The following DENND1B variants were observed in gnomAD, a reference collection of about 807,000 sequenced individuals.
DENND1B encodes DENN domain containing 1B, also known as DENN domain-containing protein 1B.
In DENND1B, 59 loss-of-function variants were observed where a neutral mutation model predicts 90.1. The ratio of observed to expected loss-of-function variants is 0.65; its 90% CI spans 0.53 to 0.81. The LOEUF (loss-of-function observed/expected upper bound fraction) is 0.81. DENND1B is among the 40% of genes least tolerant of loss of function. The probability of loss-of-function intolerance (pLI) is 0.00; values close to 1 mark genes in which losing one functional copy is unlikely to be tolerated. For synonymous variants in DENND1B, 337 were observed against 324.6 expected, an observed-to-expected ratio of 1.04 and a Z score of -0.41; for missense variants, 862 against 912.6, an observed-to-expected ratio of 0.94 and a Z score of 0.71.
chr1:197,515,183 A>G (rs1668311122), intron 20 of DENND1B, among the ~76,000 whole-genome samples: 1 of 151,694 alleles, frequency 6.6e-6, no homozygotes, highest in South Asian at 2.1e-4. Context: ...AGTGGCAAAA[A>G]GGAAGGAATG....
chr1:197,732,660 G>C (rs1571540098), intron 2 of DENND1B, among the ~76,000 whole-genome samples: 1 of 152,254 alleles, frequency 6.6e-6, no homozygotes, highest in East Asian at 1.9e-4. Flanking sequence ...ATACATCCAA[G>C]CAAGAAGCCC....
rs567371348 is a variant in DENND1B at position 197,775,463 on chromosome 1, G to C, written c.-308C>G. ...CCTGCGACCGGGGCCGCCCGCTGCG[G>C]CTCCTGCACCTTCTTGCAAATCAGG... On this transcript the variant is annotated 5_prime_UTR_variant, in exon 1 of 23. Transcript: ENST00000620048. The C allele has an allele frequency of 3.8e-6, 1 of 260,424 alleles. No individual in the cohort carries two copies. Among genetic ancestry groups the C allele is most frequent in the Non-Finnish European group, 7.2e-6 (1 of 138,100 alleles). The allele number at this position is 260,424 out of a possible 1,614,324, so 16.1% of individuals were successfully genotyped here. A position where few individuals can be genotyped will look rare whatever the true frequency, so the allele number is the denominator to read the frequency against.
In DENND1B at chr1:197,645,761, A is replaced by G; in HGVS notation, c.508-18T>C. The G allele has an allele frequency of 6.6e-7, 1 of 1,516,388 alleles. No individual in the cohort carries two copies. The highest frequency in any genetic ancestry group is 8.9e-7 in the Non-Finnish European group (1 of 1,125,168). The allele number at this position is 1,516,388 out of a possible 1,614,324, so 93.9% of individuals were successfully genotyped here. ...TAGGAATGCTAATCAATACAAATAA[A>G]TCACATATGAAAAAGATAATTAAAA... On this transcript the variant is annotated intron_variant, in intron 8 of 22. Transcript: ENST00000620048.
rs1196502005 is a variant in DENND1B at position 197,510,433 on chromosome 1, G to A, written c.*27C>T. The A allele has an allele frequency of 1.3e-6, 2 of 1,558,862 alleles. No homozygotes were observed. The highest frequency in any genetic ancestry group is 1.7e-6 in the Non-Finnish European group (2 of 1,153,774). Reference sequence around the variant, plus strand: ...TACAGATTGCATTGAATCTCAAAATGTCTCCATAGAAGCTTGGATGCAAGA... The same window carrying A: ...TACAGATTGCATTGAATCTCAAAATATCTCCATAGAAGCTTGGATGCAAGA... On this transcript the variant is annotated 3_prime_UTR_variant, in exon 23 of 23. Transcript: ENST00000620048.
intron 20 of DENND1B, among the ~76,000 whole-genome samples, chr1:197,539,740 T>C (rs1670189954): frequency 6.6e-6 from 1 of 152,186 alleles, no homozygotes; most frequent in Admixed American, 6.5e-5. Context: ...CTATGAGATC[T>C]ATGAGGGCAT....
At chr1:197,521,093 G>GA (rs1236298816) in intron 20 of DENND1B, among the ~76,000 whole-genome samples, 2 of 151,808 alleles carry the variant, frequency 1.3e-5, no homozygotes, top group African/African-American at 2.4e-5. Flanking sequence ...TTATATGAAA[G>GA]AAAAAAATGT....
rs1654107616 is a variant in DENND1B at position 197,658,779 on chromosome 1, CTA to C, written c.297-412_297-411del. ...TACTGGAGTATATAATACAACAAAA[CTA>C]TGTGTTTTTCAATTCTTCAGAAATG... On this transcript the variant is annotated intron_variant, in intron 5 of 22. Coordinates refer to ENST00000620048, the MANE Select transcript of DENND1B (RefSeq NM_001195215.2). Among the ~76,000 whole-genome samples the C allele has an allele frequency of 1.3e-5, 2 of 151,106 alleles. 1 individual carries two copies. Among genetic ancestry groups the C allele is most frequent in the South Asian group, 4.2e-4 (2 of 4,780 alleles).
At chr1:197,550,034 T>C (rs1671099755) in intron 16 of DENND1B, among the ~76,000 whole-genome samples, 1 of 152,170 alleles carries the variant, frequency 6.6e-6, no homozygotes, top group East Asian at 1.9e-4. Context: ...AAAAATAGTG[T>C]ATAAACTACT....
intron 2 of DENND1B, chr1:197,734,942 CTGGCAAACAAAAATA>C: frequency 1.0e-6 from 1 of 985,134 alleles, no homozygotes; most frequent in Non-Finnish European, 1.2e-6. Flanking sequence ...AAATCTAAGC[CTGGCAAACAAAAATA>C]TTTAAATTAA....
chr1:197,537,786 A>G (rs933661796), intron 20 of DENND1B, among the ~76,000 whole-genome samples: 11 of 152,016 alleles, frequency 7.2e-5, no homozygotes, highest in East Asian at 1.9e-4. Flanking sequence ...TAAAGGAAAG[A>G]AGACTTTAAA....
chr1:197,670,442 A>ACT (rs1655373200), intron 5 of DENND1B, among the ~76,000 whole-genome samples: 5 of 16,128 alleles, frequency 3.1e-4, no homozygotes, highest in Non-Finnish European at 5.9e-4. Flanking sequence ...TGGGGGGAAG[A>ACT]CTGTGTGTGT....
At chr1:197,529,852 G>C (rs1669493849) in intron 20 of DENND1B, among the ~76,000 whole-genome samples, 1 of 152,088 alleles carries the variant, frequency 6.6e-6, no homozygotes, top group South Asian at 2.1e-4. Flanking sequence ...GATTAAGACT[G>C]TTCTGCACCA....
chr1:197,715,021 TG>T lies in DENND1B; in HGVS notation c.126+9del. On this transcript the variant is annotated intron_variant, in intron 3 of 22. Transcript: ENST00000620048. The stretch of plus-strand genomic sequence containing the variant: ...ACTTTAAATTTTTTAAAAAATTATG[TG>T]GTACCAACCTGGTCTCCAAAGTCCT... 1 of 1,606,066 alleles carries T rather than the reference TG, an allele frequency of 6.2e-7. No individual in the cohort carries two copies. Among genetic ancestry groups the T allele is most frequent in the Non-Finnish European group, 8.5e-7 (1 of 1,173,896 alleles).
At chr1:197,644,688 A>T (rs1177985955) in intron 9 of DENND1B, among the ~76,000 whole-genome samples, 1 of 152,172 alleles carries the variant, frequency 6.6e-6, no homozygotes, top group African/African-American at 2.4e-5. Context: ...AGCTTTTCAT[A>T]AGGGTTTTTT....
intron 10 of DENND1B, among the ~76,000 whole-genome samples, chr1:197,637,497 T>C (rs1273121465): frequency 1.3e-5 from 2 of 151,908 alleles, no homozygotes; most frequent in African/African-American, 4.8e-5. Context: ...ACTACAGGAG[T>C]TGGAAGATAA....
chr1:197,764,300 T>A (rs756099394), intron 2 of DENND1B, among the ~76,000 whole-genome samples: 1 of 152,160 alleles, frequency 6.6e-6, no homozygotes, highest in Non-Finnish European at 1.5e-5. Context: ...AAATGGAAGA[T>A]GTAGGCTCTT....
intron 2 of DENND1B, among the ~76,000 whole-genome samples, chr1:197,726,228 A>G (rs1374502235): frequency 6.6e-6 from 1 of 152,112 alleles, no homozygotes; most frequent in African/African-American, 2.4e-5. Context: ...CCTGACGTGG[A>G]CCCAGTGATC....
At chr1:197,636,840 G>C (rs928085943) in intron 10 of DENND1B, among the ~76,000 whole-genome samples, 3 of 152,048 alleles carry the variant, frequency 2.0e-5, no homozygotes, top group Non-Finnish European at 4.4e-5. Flanking sequence ...ATAGGATGTA[G>C]GTGGGGAAAA....
At chr1:197,713,793 T>TATTATATCATAATA in intron 3 of DENND1B, among the ~76,000 whole-genome samples, 1 of 20,236 alleles carries the variant, frequency 4.9e-5, no homozygotes, top group South Asian at 3.0e-3. Context: ...TATTATAATA[T>TATTATATCATAATA]TATTATATTA....
Sources: gnomAD v4.1 joint callset for allele counts (sites outside exome capture counted in the v4.1 genomes callset) on GRCh38, gnomAD v4.1.1 for gene constraint, MANE v1.5 for transcripts, NCBI Gene and HGNC (gene_info 2026-07-23, HGNC 2026-07-21) for gene names.